The following PARD3B variants were observed in gnomAD, a reference collection of about 807,000 sequenced individuals.
The protein encoded by PARD3B is partitioning defective 3 homolog B.
A neutral mutation model predicts 130.2 loss-of-function variants in PARD3B; 103 were observed. That is an observed-to-expected ratio of 0.79 (90% CI 0.67 to 0.93). The LOEUF (loss-of-function observed/expected upper bound fraction) is 0.93. Ranked by LOEUF, PARD3B falls within the 40% of genes least tolerant of loss-of-function variation. PARD3B has a pLI of 0.00. For synonymous variants in PARD3B, 583 were observed against 553.2 expected, an observed-to-expected ratio of 1.05 and a Z score of -0.76; for missense variants, 1,609 against 1,499.2, an observed-to-expected ratio of 1.07 and a Z score of -1.21.
At chr2:204,990,211 AT>A (rs1255095279) in intron 3 of PARD3B, among the ~76,000 whole-genome samples, 3 of 151,724 alleles carry the variant, frequency 2.0e-5, no homozygotes, top group African/African-American at 7.3e-5. Context: ...TCCTGGTAAG[AT>A]TTTTGACAAT....
At chr2:205,106,477 ATGTATGTGTGTG>A (rs1170974469) in intron 5 of PARD3B, among the ~76,000 whole-genome samples, 24 of 132,004 alleles carry the variant, frequency 1.8e-4, no homozygotes, top group Admixed American at 8.3e-4. Context: ...TAGTTAAGAA[ATGTATGTGTGTG>A]TGTGTGTGTG....
At chr2:204,971,838 T>A (rs1026380167) in intron 3 of PARD3B, among the ~76,000 whole-genome samples, 20 of 149,500 alleles carry the variant, frequency 1.3e-4, no homozygotes, top group Non-Finnish European at 2.8e-4. Context: ...GTTTTAATTT[T>A]TTTTTTTTTT....
Position 204,795,578 on chromosome 2 carries a change from A to G in PARD3B, c.222+109296A>G, listed in dbSNP as rs115021719. On this transcript the variant is annotated intron_variant, in intron 2 of 22. Transcript: ENST00000406610. ...GTTTATGAATTTATTTCTGTTACAG[A>G]GTACTTGGTATCAGCTGGAACTTTC... 6.6e-3 allele frequency among the ~76,000 whole-genome samples: 1,001 copies of G among 152,340 alleles called. 4 individuals are homozygous for G. Among genetic ancestry groups the G allele is most frequent in the Non-Finnish European group, 0.01 (682 of 68,024 alleles).
In PARD3B at chr2:205,281,200, G is replaced by A. The variant is rs2041174405; in HGVS notation, c.2186-19330G>A. Among the ~76,000 whole-genome samples, 2 of 152,198 alleles carry A rather than the reference G, an allele frequency of 1.3e-5. No individual in the cohort carries two copies. Among genetic ancestry groups the A allele is most frequent in the Non-Finnish European group, 2.9e-5 (2 of 68,032 alleles). ...ATAAGATTCCATGACTGTGATAGCA[G>A]ACAGGTGCAAGAAAGAAGGGGCAGG... On this transcript the variant is annotated intron_variant, in intron 16 of 22. Coordinates refer to ENST00000406610, the MANE Select transcript of PARD3B (RefSeq NM_001302769.2). This position sits in a 1 kb window ranked among gnomAD's most constrained non-coding sequence, Gnocchi z 4.2.
chr2:205,390,076 CTCTT>C (rs2045798725), intron 18 of PARD3B, among the ~76,000 whole-genome samples: 1 of 150,192 alleles, frequency 6.7e-6, no homozygotes. Context: ...AATATAATAA[CTCTT>C]TTTATTGTTT....
intron 2 of PARD3B, among the ~76,000 whole-genome samples, chr2:204,902,435 C>G (rs1372283458): frequency 6.6e-6 from 1 of 151,932 alleles, no homozygotes; most frequent in East Asian, 1.9e-4. Context: ...TTTGGGAGGC[C>G]GAAGCGGGCG....
intron 1 of PARD3B, among the ~76,000 whole-genome samples, chr2:204,681,138 T>C (rs2036812264): frequency 6.6e-6 from 1 of 152,200 alleles, no homozygotes; most frequent in African/African-American, 2.4e-5. Context: ...GTTATCTTTC[T>C]GTTAGATTGA....
In PARD3B at chr2:205,300,795, G is replaced by T; in HGVS notation, c.2392+59G>T. 1 of 1,502,960 alleles carries T rather than the reference G, an allele frequency of 6.7e-7. No individual in the cohort carries two copies. The highest frequency in any genetic ancestry group is 1.2e-5 in the South Asian group (1 of 85,066). The allele number at this position is 1,502,960 out of a possible 1,614,324, so 93.1% of individuals were successfully genotyped here. On this transcript the variant is annotated intron_variant, in intron 17 of 22. Coordinates refer to ENST00000406610, the MANE Select transcript of PARD3B (RefSeq NM_001302769.2). This position sits in a 1 kb window ranked among gnomAD's most constrained non-coding sequence, Gnocchi z 4.1. ...ATCTCATTATTATCTGCAAATCATGGGCAAGAATGTGTGCTCAACTACAGA... is the reference window on the plus strand; with the variant it reads ...ATCTCATTATTATCTGCAAATCATGTGCAAGAATGTGTGCTCAACTACAGA...
At chr2:204,609,041 A>C (rs975445931) in intron 1 of PARD3B, among the ~76,000 whole-genome samples, 1 of 152,180 alleles carries the variant, frequency 6.6e-6, no homozygotes, top group African/African-American at 2.4e-5. Flanking sequence ...TGCTAGTTAA[A>C]AGTTGTCACT....
chr2:204,943,843 C>T lies in PARD3B; in HGVS notation c.223-21309C>T, dbSNP rs1406223952. Reference sequence around the variant, plus strand: ...TGAGGCAACAAAGTTATATATAACACTAGAAAACTGAGATTTCAGAGGGGA... The same window carrying T: ...TGAGGCAACAAAGTTATATATAACATTAGAAAACTGAGATTTCAGAGGGGA... On this transcript the variant is annotated intron_variant, in intron 2 of 22. Coordinates refer to ENST00000406610, the MANE Select transcript of PARD3B (RefSeq NM_001302769.2). The surrounding 1 kb of genome is among the most constrained non-coding windows in gnomAD (Gnocchi z 4.2). Among the ~76,000 whole-genome samples, 2 of 151,876 alleles carry T rather than the reference C, an allele frequency of 1.3e-5. No individual in the cohort carries two copies. The highest frequency in any genetic ancestry group is 1.5e-5 in the Non-Finnish European group (1 of 67,982).
chr2:204,829,122 A>G (rs1416151605), intron 2 of PARD3B, among the ~76,000 whole-genome samples: 3 of 152,220 alleles, frequency 2.0e-5, no homozygotes, highest in Non-Finnish European at 4.4e-5. Flanking sequence ...TCTGAAACAT[A>G]ACTGTGAATA....
At chr2:205,514,024 A>G (rs1172081266) in intron 21 of PARD3B, among the ~76,000 whole-genome samples, 1 of 152,100 alleles carries the variant, frequency 6.6e-6, no homozygotes, top group Non-Finnish European at 1.5e-5. Context: ...GTAATTTCAA[A>G]ACAAATGTAA....
At chr2:205,145,326 C>T (rs1413326554) in intron 10 of PARD3B, among the ~76,000 whole-genome samples, 1 of 131,074 alleles carries the variant, frequency 7.6e-6, no homozygotes, top group African/African-American at 2.8e-5. Flanking sequence ...CCGCCGCCCC[C>T]GCAAAAAAAA....
intron 2 of PARD3B, among the ~76,000 whole-genome samples, chr2:204,766,528 A>G (rs1574931078): frequency 6.6e-6 from 1 of 152,122 alleles, no homozygotes; most frequent in African/African-American, 2.4e-5. Flanking sequence ...AGTGTACTAT[A>G]CTCTTAATGT....
chr2:205,106,479 GTA>G (rs1245454899), intron 5 of PARD3B, among the ~76,000 whole-genome samples: 1 of 120,664 alleles, frequency 8.3e-6, no homozygotes, highest in African/African-American at 3.1e-5. Context: ...GTTAAGAAAT[GTA>G]TGTGTGTGTG....
intron 4 of PARD3B, among the ~76,000 whole-genome samples, chr2:205,083,751 A>C (rs1360151820): frequency 6.6e-6 from 1 of 151,494 alleles, no homozygotes; most frequent in Non-Finnish European, 1.5e-5. Context: ...TAGTGTTTTC[A>C]ACACTTTATA....
chr2:204,910,809 T>A (rs549551071), intron 2 of PARD3B, among the ~76,000 whole-genome samples: 15 of 152,150 alleles, frequency 9.9e-5, no homozygotes, highest in Non-Finnish European at 1.5e-4. Flanking sequence ...GCCTGGCTAA[T>A]TTTTTGTATT....
chr2:205,596,719 A>C (rs1041258211), intron 22 of PARD3B, among the ~76,000 whole-genome samples: 2 of 152,142 alleles, frequency 1.3e-5, no homozygotes, highest in African/African-American at 4.8e-5. Flanking sequence ...AAATGTATGT[A>C]ATCATGTTTG....
intron 1 of PARD3B, among the ~76,000 whole-genome samples, chr2:204,638,914 G>A (rs1574597497): frequency 1.3e-5 from 2 of 152,042 alleles, no homozygotes; most frequent in African/African-American, 4.8e-5. Context: ...TTCCTCCATG[G>A]CCAAGTATCC....
Sources: gnomAD v4.1 joint callset for allele counts (sites outside exome capture counted in the v4.1 genomes callset) on GRCh38, gnomAD v4.1.1 for gene constraint, Gnocchi (gnomAD v3.1) non-coding constraint, MANE v1.5 for transcripts, NCBI Gene and HGNC (gene_info 2026-07-23, HGNC 2026-07-21) for gene names.